Variants in MAP3K7CL observed in about 807,000 individuals in gnomAD.
MAP3K7CL encodes the protein MAP3K7 C-terminal-like protein.
MAP3K7CL carries 16 observed loss-of-function variants against 18.6 expected under a neutral mutation model. That is an observed-to-expected ratio of 0.86 (90% confidence interval 0.58 to 1.31). The LOEUF (loss-of-function observed/expected upper bound fraction) is 1.31. Ranked by LOEUF, MAP3K7CL falls within the 50% of genes most tolerant of loss-of-function variation. The pLI, the probability that MAP3K7CL is intolerant of heterozygous loss-of-function variation, is 0.00. For synonymous variants in MAP3K7CL, 65 were observed against 66.8 expected (o/e 0.97, Z 0.13); for missense variants, 163 against 174.4 (o/e 0.93, Z 0.37).
chr21:29,080,692 G>A (rs1295365250), intron 1 of MAP3K7CL: 1 of 152,086 alleles, frequency 6.6e-6, no homozygotes, highest in Non-Finnish European at 1.5e-5. Flanking sequence ...CTGATCATTC[G>A]TAGTGTAGCC....
intron 4 of MAP3K7CL, among the ~76,000 whole-genome samples, chr21:29,094,167 A>G (rs935581797): frequency 3.3e-5 from 5 of 152,238 alleles, no homozygotes; most frequent in African/African-American, 1.2e-4. Flanking sequence ...GGGTGTCACA[A>G]CCAGGGATAT....
At chr21:29,082,095 T>C (rs1888438), upstream of MAP3K7CL, among the ~76,000 whole-genome samples, 96,379 of 152,080 alleles carry the variant, frequency 0.63, 31,429 homozygotes, top group South Asian at 0.76. Flanking sequence ...TATAATATAA[T>C]ATTACTTTTG....
At chr21:29,120,495 G>C (rs1202018475) in intron 4 of MAP3K7CL, among the ~76,000 whole-genome samples, 1 of 152,130 alleles carries the variant, frequency 6.6e-6, no homozygotes, top group East Asian at 1.9e-4. Flanking sequence ...GGCGTTTTGT[G>C]CATTAAATTA....
rs1568929546 is a variant in MAP3K7CL at position 29,091,683 on chromosome 21, AT to A, written c.153del (p.Phe51LeufsTer20). On this transcript the variant is annotated frameshift_variant, in exon 3 of 7. Coordinates refer to the MAP3K7CL transcript ENST00000286791. LOFTEE classifies it high-confidence loss of function. ...TTTTTCATAGAGATGGAGTCTCGCT[AT>A]TTTGCCCAGGTTGGTCTTGAACACC... The A allele has an allele frequency of 1.4e-6, 1 of 701,714 alleles. No homozygotes were observed. The highest frequency in any genetic ancestry group is 1.5e-5 in the South Asian group (1 of 67,554). 43.5% of individuals were successfully genotyped at this position (701,714 alleles called of 1,614,324 possible).
Position 29,148,345 on chromosome 21 carries a change from A to C in MAP3K7CL, c.71-844A>C, listed in dbSNP as rs886524434. 2.0e-5 allele frequency among the ~76,000 whole-genome samples: 3 copies of C among 152,124 alleles called. No individual in the cohort carries two copies. The East Asian group carries it at 5.8e-4, about 29-fold the overall frequency. On this transcript the variant is annotated intron_variant, in intron 2 of 4. Transcript: ENST00000399928. The stretch of plus-strand genomic sequence containing the variant: ...TGGAAATGAGTGGCCAATGGACCTT[A>C]GAGCCAGAGAGTACCTGGAGATAAT...
At chr21:29,112,949 C>T (rs1242314014) in intron 4 of MAP3K7CL, among the ~76,000 whole-genome samples, 1 of 152,090 alleles carries the variant, frequency 6.6e-6, no homozygotes, top group Non-Finnish European at 1.5e-5. Flanking sequence ...GCTGAGATTA[C>T]AGGCCTGTGC....
chr21:29,090,920 A>C (rs1373506710), intron 1 of MAP3K7CL, among the ~76,000 whole-genome samples: 1 of 152,216 alleles, frequency 6.6e-6, no homozygotes, highest in Non-Finnish European at 1.5e-5. Flanking sequence ...CACATTAAAA[A>C]ACTAAAAAGG....
chr21:29,115,494 A>G (rs2086489832), intron 4 of MAP3K7CL, among the ~76,000 whole-genome samples: 3 of 152,212 alleles, frequency 2.0e-5, no homozygotes, highest in Admixed American at 2.0e-4. Context: ...GTTATCCCTG[A>G]GTGCAGGGGG....
At chr21:29,152,796 A>G (rs2087307752) in intron 3 of MAP3K7CL, among the ~76,000 whole-genome samples, 1 of 152,212 alleles carries the variant, frequency 6.6e-6, no homozygotes, top group Non-Finnish European at 1.5e-5. Flanking sequence ...TGGTCTAAAT[A>G]CATTTACTAT....
At chr21:29,089,387 AAAT>A (rs2085983323) in intron 1 of MAP3K7CL, among the ~76,000 whole-genome samples, 1 of 151,780 alleles carries the variant, frequency 6.6e-6, no homozygotes, top group African/African-American at 2.4e-5. Flanking sequence ...GATAAAGTAA[AAAT>A]AATGATGTTA....
chr21:29,091,575 A>G (rs1371202539), exon 2 of MAP3K7CL: 2 of 701,280 alleles, frequency 2.9e-6, no homozygotes, highest in Non-Finnish European at 2.6e-6. Context: ...TCCTGGGCCC[A>G]GGTAATTGTC....
chr21:29,081,287 C>T (rs372297782), upstream of MAP3K7CL, among the ~76,000 whole-genome samples: 6 of 152,212 alleles, frequency 3.9e-5, no homozygotes, highest in Non-Finnish European at 7.3e-5. Context: ...TGGTGGCTCA[C>T]GCCTATAATC....
At chr21:29,103,549 G>A (rs1364146467) in intron 4 of MAP3K7CL, among the ~76,000 whole-genome samples, 1 of 152,162 alleles carries the variant, frequency 6.6e-6, no homozygotes, top group East Asian at 1.9e-4. Flanking sequence ...TGGCCAACGT[G>A]ATGAAACCCT....
At chr21:29,132,512 A>C (rs900313327) in intron 1 of MAP3K7CL, among the ~76,000 whole-genome samples, 13 of 152,024 alleles carry the variant, frequency 8.6e-5, no homozygotes, top group African/African-American at 1.7e-4. Context: ...GGTATTCTTT[A>C]TTTATTTATT....
intron 1 of MAP3K7CL, among the ~76,000 whole-genome samples, chr21:29,086,508 C>A (rs1324249442): frequency 6.6e-6 from 1 of 152,176 alleles, no homozygotes; most frequent in Non-Finnish European, 1.5e-5. Flanking sequence ...TTCATAGTGA[C>A]CACAGCATTG....
chr21:29,146,177 C>T (rs1421932411), intron 2 of MAP3K7CL, among the ~76,000 whole-genome samples: 1 of 152,016 alleles, frequency 6.6e-6, no homozygotes, highest in Non-Finnish European at 1.5e-5. Flanking sequence ...TCTAGAATGT[C>T]TCAGCTGCTC....
rs147750455 is a variant in MAP3K7CL at position 29,174,477 on chromosome 21, A to G, written c.249-235A>G. Among the ~76,000 whole-genome samples, 535 of 152,272 alleles carry G rather than the reference A, an allele frequency of 3.5e-3. 4 individuals carry two copies. The highest frequency in any genetic ancestry group is 0.012 in the African/African-American group (513 of 41,544). On this transcript the variant is annotated intron_variant, in intron 4 of 4. Transcript: ENST00000399928. ...CATGTTTTTGACTACTAAAGAACCTATGGGACTTTTGGTGTATGGTTAGTA... is the reference window on the plus strand; with the variant it reads ...CATGTTTTTGACTACTAAAGAACCTGTGGGACTTTTGGTGTATGGTTAGTA...
At chr21:29,164,504 C>T (rs1230240600) in intron 4 of MAP3K7CL, among the ~76,000 whole-genome samples, 1 of 152,174 alleles carries the variant, frequency 6.6e-6, no homozygotes, top group Non-Finnish European at 1.5e-5. Context: ...AAGGTTTGAA[C>T]TCCAAACTGA....
chr21:29,157,685 A>G (rs989168230), intron 3 of MAP3K7CL, among the ~76,000 whole-genome samples: 12 of 152,202 alleles, frequency 7.9e-5, no homozygotes, highest in African/African-American at 2.7e-4. Flanking sequence ...CGCTCTACCT[A>G]TAGATAACAA....
Sources: allele counts gnomAD v4.1 joint callset (sites outside exome capture counted in the v4.1 genomes callset), GRCh38; gene constraint gnomAD v4.1.1; transcripts MANE v1.5; gene names NCBI Gene and HGNC (gene_info 2026-07-23, HGNC 2026-07-21).